The following RYR1 variants were observed in gnomAD, a reference collection of about 807,000 sequenced individuals.
RYR1 encodes the protein ryanodine receptor 1.
RYR1 carries 342 observed loss-of-function variants against 583.5 expected under a neutral mutation model. The observed-to-expected ratio is 0.59, with a 90% CI of 0.54 to 0.64. The LOEUF (loss-of-function observed/expected upper bound fraction) is 0.64, where lower values mean the gene tolerates loss of function less well. RYR1 is among the 30% of genes least tolerant of loss of function. The pLI, the probability that RYR1 is intolerant of heterozygous loss-of-function variation, is 0.00. For synonymous variants in RYR1, 2,791 were observed against 2,822.5 expected (o/e 0.99, Z 0.35); for missense variants, 6,032 against 6,917.2 (o/e 0.87, Z 4.54).
intron 16 of RYR1, among the ~76,000 whole-genome samples, chr19:38,457,127 C>A (rs898090858): frequency 1.3e-5 from 2 of 151,236 alleles, no homozygotes. Flanking sequence ...TTCCACTTGG[C>A]CCCTAAAGAC....
chr19:38,440,365 C>G (rs756348351), intron 1 of RYR1, among the ~76,000 whole-genome samples: 1 of 152,100 alleles, frequency 6.6e-6, no homozygotes, highest in Non-Finnish European at 1.5e-5. Flanking sequence ...ATGGCGAAAC[C>G]TTGTCTCTAC....
At chr19:38,542,863 C>T (rs887104541) in intron 84 of RYR1, among the ~76,000 whole-genome samples, 12 of 151,366 alleles carry the variant, frequency 7.9e-5, no homozygotes, top group East Asian at 1.9e-4. Context: ...ATTTTTGAGA[C>T]GGGGTTTCCA....
chr19:38,517,356 C>T lies in RYR1; in HGVS notation c.9686-3C>T. On this transcript the variant is annotated splice_polypyrimidine_tract_variant and splice_region_variant and intron_variant, in intron 65 of 105. Coordinates refer to ENST00000359596, the MANE Select transcript of RYR1 (RefSeq NM_000540.3). ...ATTCCCTGCCCCCGTCCCTGTACCC[C>T]AGTCCTGGGGCTCCCCAACAGTGTG... is the stretch of plus-strand genomic sequence containing the variant. The T allele has an allele frequency of 6.2e-7, 1 of 1,612,998 alleles. No individual in the cohort carries two copies. The highest frequency in any genetic ancestry group is 8.5e-7 in the Non-Finnish European group (1 of 1,179,950).
chr19:38,570,815 G>A (rs955061725), intron 94 of RYR1, 122 bp downstream of exon 94: 16 of 856,590 alleles, frequency 1.9e-5, no homozygotes, highest in East Asian at 5.0e-5. Context: ...GCTTTGGGTC[G>A]TTAGGAGGGT....
chr19:38,497,557 GAATT>G (rs1402005292), intron 42 of RYR1, among the ~76,000 whole-genome samples: 2 of 152,200 alleles, frequency 1.3e-5, no homozygotes, highest in Non-Finnish European at 2.9e-5. Flanking sequence ...AGGATTAAAT[GAATT>G]AATCCAGTAA....
rs745799856 is a variant in RYR1 at position 38,512,488 on chromosome 19, G to A, written c.9472+5G>A. 1 of 1,609,020 alleles carries A rather than the reference G, an allele frequency of 6.2e-7. No homozygotes were observed. Among genetic ancestry groups the A allele is most frequent in the Admixed American group, 1.7e-5 (1 of 60,018 alleles). Reference sequence around the variant, plus strand: ...AGTTCGGAGATGACGTCATCCGTAAGGGCGCCTGACCCAAGGGCAGGTTGC... The same window carrying A: ...AGTTCGGAGATGACGTCATCCGTAAAGGCGCCTGACCCAAGGGCAGGTTGC... On this transcript the variant is annotated splice_donor_5th_base_variant and intron_variant, in intron 63 of 105. Transcript: ENST00000359596. The surrounding 1 kb of genome is among the most constrained non-coding windows in gnomAD (Gnocchi z 5.1).
At chr19:38,575,034 C>G (rs1029379156) in intron 96 of RYR1, among the ~76,000 whole-genome samples, 1 of 136,430 alleles carries the variant, frequency 7.3e-6, no homozygotes, top group Non-Finnish European at 1.5e-5. Flanking sequence ...AGCGAGACTC[C>G]GTCTCAAAAA....
intron 71 of RYR1, 139 bp from the exon 72 acceptor site, chr19:38,526,854 T>C: frequency 1.2e-6 from 1 of 827,152 alleles, no homozygotes; most frequent in South Asian, 1.4e-5. Context: ...TCTGCATCCT[T>C]TTGTTTCTCT....
chr19:38,565,338 T>G lies in RYR1; in HGVS notation c.13004T>G (p.Leu4335Arg), dbSNP rs1435123060. 1 of 1,215,724 alleles carries G rather than the reference T, an allele frequency of 8.2e-7. No homozygotes were observed. The highest frequency in any genetic ancestry group is 1.0e-6 in the Non-Finnish European group (1 of 980,682). 75.3% of individuals were successfully genotyped at this position (1,215,724 alleles called of 1,614,324 possible). Residue 4335 changes from leucine to arginine, a missense_variant, in exon 91 of 106, where the codon CTG becomes CGG. Coordinates refer to ENST00000359596, the MANE Select transcript of RYR1 (RefSeq NM_000540.3). This position sits in a 1 kb window ranked among gnomAD's most constrained non-coding sequence, Gnocchi z 4.7. ...GAGGCGGCCACCGCAGTGGCGGCGC[T>G]GCTCTGGGCAGCAGTGACGCGCGCT... ...AREAATAVAALLWAAVTRAGA... is the reference protein window; with the variant it reads ...AREAATAVAARLWAAVTRAGA...
Position 38,507,706 on chromosome 19 carries a change from A to C in RYR1, c.8817-6A>C, listed in dbSNP as rs773534828. 6.3e-7 allele frequency: 1 copy of C among 1,585,780 alleles called. No homozygotes were observed. The highest frequency in any genetic ancestry group is 1.1e-5 in the South Asian group (1 of 90,368). ...GGCTGATCCTTCTCTCCACATCTCC[A>C]TGCAGAGGCCTTAAGGACATGGAAC... On this transcript the variant is annotated splice_region_variant and splice_polypyrimidine_tract_variant and intron_variant, in intron 57 of 105. Transcript: ENST00000359596.
intron 67 of RYR1, among the ~76,000 whole-genome samples, chr19:38,520,257 G>A (rs1971166555): frequency 6.7e-6 from 1 of 149,938 alleles, no homozygotes; most frequent in Admixed American, 6.7e-5. Flanking sequence ...ATTTTTATGG[G>A]GTCTCACTAT....
chr19:38,585,244 G>A, intron 102 of RYR1, 145 bp downstream of exon 102: 2 of 973,428 alleles, frequency 2.1e-6, no homozygotes, highest in Middle Eastern at 3.1e-4. Flanking sequence ...ACCTCTCGGG[G>A]CCTCCGTTTC....
chr19:38,528,193 G>C, intron 73 of RYR1, 113 bp from the exon 74 acceptor site: 2 of 865,418 alleles, frequency 2.3e-6, no homozygotes, highest in South Asian at 1.4e-5. Flanking sequence ...TCCTTCTGCC[G>C]TGTGAGTCTT....
At chr19:38,464,842 G>C in intron 23 of RYR1, 120 bp downstream of exon 23, 3 of 843,084 alleles carry the variant, frequency 3.6e-6, no homozygotes. Flanking sequence ...AAGGAGACTT[G>C]GGTTAGGGTG....
chr19:38,537,771 C>G, intron 83 of RYR1, 109 bp from the exon 84 acceptor site: 1 of 1,025,612 alleles, frequency 9.8e-7, no homozygotes, highest in Admixed American at 1.7e-5. Context: ...CTCCCAGCAC[C>G]CCCATGCTTT....
chr19:38,440,892 G>A (rs957237144), intron 2 of RYR1, 28 bp downstream of exon 2: 13 of 1,601,246 alleles, frequency 8.1e-6, no homozygotes, highest in South Asian at 1.1e-5. Flanking sequence ...AGGGGCCTGG[G>A]GACAGGGGCG....
In RYR1 at chr19:38,444,135, A is replaced by G. The variant is rs1972825756; in HGVS notation, c.425-14A>G. The stretch of plus-strand genomic sequence containing the variant: ...ATCATCTGACAGCCACCCCCATTCC[A>G]TCCCCACCCATAGGAGAGGCTTGCT... On this transcript the variant is annotated splice_polypyrimidine_tract_variant and intron_variant, in intron 5 of 105. Coordinates refer to ENST00000359596, the MANE Select transcript of RYR1 (RefSeq NM_000540.3). This position sits in a 1 kb window ranked among gnomAD's most constrained non-coding sequence, Gnocchi z 5.1. The G allele has an allele frequency of 1.2e-6, 2 of 1,608,556 alleles. No individual in the cohort carries two copies. The highest frequency in any genetic ancestry group is 1.7e-6 in the Non-Finnish European group (2 of 1,175,070).
At chr19:38,544,286 A>T (rs919262108) in intron 87 of RYR1, among the ~76,000 whole-genome samples, 1 of 152,188 alleles carries the variant, frequency 6.6e-6, no homozygotes, top group African/African-American at 2.4e-5. Flanking sequence ...CTTGCGGCAG[A>T]TGACACCCAT....
chr19:38,527,489 G>T, intron 72 of RYR1, 158 bp from the exon 73 acceptor site: 2 of 939,518 alleles, frequency 2.1e-6, no homozygotes, highest in Admixed American at 2.2e-5. Context: ...CAGCCTGGGT[G>T]ATGGGGCGAG....
Sources: gnomAD v4.1 joint callset for allele counts (sites outside exome capture counted in the v4.1 genomes callset) on GRCh38, gnomAD v4.1.1 for gene constraint, Gnocchi (gnomAD v3.1) non-coding constraint, MANE v1.5 for transcripts, NCBI Gene and HGNC (gene_info 2026-07-23, HGNC 2026-07-21) for gene names.